Variants in SLCO3A1 observed in about 807,000 individuals in gnomAD.
SLCO3A1 encodes the protein PGE1 transporter.
Under a neutral mutation model 63.1 loss-of-function variants are expected in SLCO3A1, and 27 were observed. That is an observed-to-expected ratio of 0.43 (90% confidence interval 0.32 to 0.59). The LOEUF is 0.59. Among genes scored for constraint, SLCO3A1 ranks in the 20% least tolerant of loss-of-function variants. The probability of loss-of-function intolerance (pLI) is 0.09; values close to 1 mark genes in which losing one functional copy is unlikely to be tolerated. For missense variants in SLCO3A1, 773 were observed against 945.8 expected, an observed-to-expected ratio of 0.82 and a Z score of 2.40; for synonymous variants, 473 against 409.9, an observed-to-expected ratio of 1.15 and a Z score of -1.86.
chr15:92,016,174 G>C (rs1194394384), intron 2 of SLCO3A1, among the ~76,000 whole-genome samples: 1 of 147,260 alleles, frequency 6.8e-6, no homozygotes, highest in Non-Finnish European at 1.5e-5. Context: ...ACCAGGTCTT[G>C]ATGTTGCAGA....
chr15:92,168,769 C>G (rs1331171242), downstream of SLCO3A1, among the ~76,000 whole-genome samples: 2 of 152,182 alleles, frequency 1.3e-5, no homozygotes, highest in African/African-American at 2.4e-5. Flanking sequence ...TACCCCTTTG[C>G]TCTCATGGTT....
chr15:92,107,448 A>G (rs2047679737), intron 4 of SLCO3A1, among the ~76,000 whole-genome samples: 1 of 152,222 alleles, frequency 6.6e-6, no homozygotes, highest in South Asian at 2.1e-4. Context: ...AGCACCATGC[A>G]GTGCACCCTG....
intron 9 of SLCO3A1, among the ~76,000 whole-genome samples, chr15:92,157,536 G>C (rs2048387144): frequency 6.6e-6 from 1 of 151,096 alleles, no homozygotes; most frequent in African/African-American, 2.4e-5. Context: ...TGTCACGCAG[G>C]ATGGAGTGCA....
intron 3 of SLCO3A1, 136 bp from the exon 4 acceptor site, chr15:92,104,143 C>T: frequency 1.0e-6 from 1 of 977,846 alleles, no homozygotes; most frequent in Non-Finnish European, 1.5e-6. Flanking sequence ...GCTTCGTAGC[C>T]TGGCAGCCAG....
At chr15:92,144,734 G>A (rs763462883) in intron 7 of SLCO3A1, among the ~76,000 whole-genome samples, 7 of 152,182 alleles carry the variant, frequency 4.6e-5, no homozygotes, top group African/African-American at 1.7e-4. Flanking sequence ...GCAGGAAAGC[G>A]AATTCGGGGG....
At position 91,859,730 on chromosome 15, in the gene SLCO3A1, G is replaced by C. The variant is rs1897004202; in HGVS notation, c.180+5642G>C. 6.6e-6 allele frequency among the ~76,000 whole-genome samples: 1 copy of C among 152,166 alleles called. No individual in the cohort carries two copies. The highest frequency in any genetic ancestry group is 6.5e-5 in the Admixed American group (1 of 15,274). Reference sequence around the variant, plus strand: ...GTGAGGATGAACTGAGTCAGTACATGTAAAGCACCTTGAACAATATCTGGC... The same window carrying C: ...GTGAGGATGAACTGAGTCAGTACATCTAAAGCACCTTGAACAATATCTGGC... On this transcript the variant is annotated intron_variant, in intron 1 of 9. Coordinates refer to ENST00000318445, the MANE Select transcript of SLCO3A1 (RefSeq NM_013272.4). The surrounding 1 kb of genome is among the most constrained non-coding windows in gnomAD (Gnocchi z 5.1).
intron 2 of SLCO3A1, among the ~76,000 whole-genome samples, chr15:91,953,702 G>C (rs1005052743): frequency 6.6e-6 from 1 of 152,172 alleles, no homozygotes; most frequent in African/African-American, 2.4e-5. Flanking sequence ...TCTGCTTTGA[G>C]GGGGTGGGGC....
intron 1 of SLCO3A1, among the ~76,000 whole-genome samples, chr15:91,880,599 G>A (rs972469734): frequency 4.6e-5 from 7 of 151,498 alleles, no homozygotes; most frequent in African/African-American, 1.7e-4. Context: ...TACTTAAATG[G>A]CATCATACAG....
chr15:91,879,615 G>C (rs1019583026), intron 1 of SLCO3A1, among the ~76,000 whole-genome samples: 2 of 152,170 alleles, frequency 1.3e-5, no homozygotes, highest in Non-Finnish European at 2.9e-5. Context: ...AGAGAAAATG[G>C]AAGGTCAGGG....
chr15:91,877,343 G>A (rs569442711), intron 1 of SLCO3A1, among the ~76,000 whole-genome samples: 3 of 152,176 alleles, frequency 2.0e-5, no homozygotes, highest in African/African-American at 2.4e-5. Flanking sequence ...TAAGATGTTC[G>A]TGTTCTTTGA....
intron 2 of SLCO3A1, among the ~76,000 whole-genome samples, chr15:92,084,690 G>A (rs1431900263): frequency 6.6e-6 from 1 of 152,246 alleles, no homozygotes; most frequent in African/African-American, 2.4e-5. Context: ...CCAGCAGGTA[G>A]CAGATGCCTG....
Position 92,104,662 on chromosome 15 carries a change from T to C in SLCO3A1, c.1009+120T>C, listed in dbSNP as rs1596105415. ...GGGACTTGGTGGAGGCAGAATAATATTGGCTTGCATGGCTGGCCTCTACCA... is the reference window on the plus strand; with the variant it reads ...GGGACTTGGTGGAGGCAGAATAATACTGGCTTGCATGGCTGGCCTCTACCA... On this transcript the variant is annotated intron_variant, in intron 4 of 9. Transcript: ENST00000318445. 15 of 1,010,308 alleles carry C rather than the reference T, an allele frequency of 1.5e-5. No individual in the cohort carries two copies. The East Asian group carries it at 3.7e-4, about 25-fold the overall frequency. 62.6% of individuals were successfully genotyped at this position (1,010,308 alleles called of 1,614,324 possible).
intron 2 of SLCO3A1, among the ~76,000 whole-genome samples, chr15:91,960,279 G>A (rs926831648): frequency 1.3e-5 from 2 of 152,124 alleles, no homozygotes; most frequent in Non-Finnish European, 2.9e-5. Flanking sequence ...CACCACGCCC[G>A]GCCTTATGTG....
chr15:92,011,861 C>T (rs1384779815), intron 2 of SLCO3A1, among the ~76,000 whole-genome samples: 1 of 152,212 alleles, frequency 6.6e-6, no homozygotes, highest in Non-Finnish European at 1.5e-5. Flanking sequence ...GCGAGTTATA[C>T]GCAAGAGGTT....
intron 1 of SLCO3A1, among the ~76,000 whole-genome samples, chr15:91,898,111 A>C (rs1463288487): frequency 1.3e-5 from 2 of 152,160 alleles, no homozygotes; most frequent in Non-Finnish European, 2.9e-5. Flanking sequence ...CTGGGGATGC[A>C]TCTGGTGACC....
intron 2 of SLCO3A1, among the ~76,000 whole-genome samples, chr15:92,012,748 A>G (rs1172723156): frequency 7.8e-6 from 1 of 127,440 alleles, no homozygotes; most frequent in East Asian, 2.9e-4. Flanking sequence ...AATTTAAAAA[A>G]AAAAAAAAAA....
chr15:92,016,635 A>T (rs2046441433), intron 2 of SLCO3A1, among the ~76,000 whole-genome samples: 1 of 152,220 alleles, frequency 6.6e-6, no homozygotes, highest in African/African-American at 2.4e-5. Flanking sequence ...GAATGAATTA[A>T]TAAGGGGCTG....
chr15:91,859,128 A>G lies in SLCO3A1; in HGVS notation c.180+5040A>G, dbSNP rs547279873. Among the ~76,000 whole-genome samples, 4 of 152,344 alleles carry G rather than the reference A, an allele frequency of 2.6e-5. No individual in the cohort carries two copies. Among genetic ancestry groups the G allele is most frequent in the Admixed American group, 2.0e-4 (3 of 15,308 alleles). On this transcript the variant is annotated intron_variant, in intron 1 of 9. Transcript: ENST00000318445. This position sits in a 1 kb window ranked among gnomAD's most constrained non-coding sequence, Gnocchi z 5.1. ...CGTGTTTGTGTACAGCGTTGCATAC[A>G]ATGAATATTGTATGCCATACTTTTT...
chr15:92,071,272 G>A (rs2151515079), intron 2 of SLCO3A1, among the ~76,000 whole-genome samples: 1 of 152,334 alleles, frequency 6.6e-6, no homozygotes, highest in Admixed American at 6.5e-5. Flanking sequence ...GCGTGAGGAT[G>A]AAGACAGGTT....
Sources: gnomAD v4.1 joint callset for allele counts (sites outside exome capture counted in the v4.1 genomes callset) on GRCh38, gnomAD v4.1.1 for gene constraint, Gnocchi (gnomAD v3.1) non-coding constraint, MANE v1.5 for transcripts, NCBI Gene and HGNC (gene_info 2026-07-23, HGNC 2026-07-21) for gene names.